The following FECH variants were observed in gnomAD, a reference collection of about 807,000 sequenced individuals.
The protein encoded by FECH is ferrochelatase, mitochondrial.
In FECH, 40 loss-of-function variants were observed where a neutral mutation model predicts 56.9. The observed-to-expected ratio is 0.70, with a 90% CI of 0.55 to 0.92. The LOEUF is 0.92. Ranked by LOEUF, FECH falls within the 40% of genes least tolerant of loss-of-function variation. The pLI is 0.00. For missense variants in FECH, 431 were observed against 529.1 expected (o/e 0.81, Z 1.82); for synonymous variants, 175 against 198.6 (o/e 0.88, Z 1.00).
intron 9 of FECH, among the ~76,000 whole-genome samples, chr18:57,553,934 G>A (rs183642639): frequency 6.6e-6 from 1 of 152,336 alleles, no homozygotes; most frequent in Admixed American, 6.5e-5. Flanking sequence ...GAATTAGTGA[G>A]AAGTACATTT....
intron 6 of FECH, 42 bp downstream of exon 6, chr18:57,562,832 C>T: frequency 6.6e-7 from 1 of 1,504,518 alleles, no homozygotes; most frequent in Non-Finnish European, 9.3e-7. Context: ...CTGATTCACA[C>T]TAGATGCTGG....
intron 1 of FECH, among the ~76,000 whole-genome samples, chr18:57,584,638 G>C (rs971922349): frequency 6.6e-6 from 1 of 151,596 alleles, no homozygotes. Flanking sequence ...TACTTCAAAA[G>C]TACTTATAAA....
At chr18:57,570,438 G>T (rs1031958204) in intron 4 of FECH, among the ~76,000 whole-genome samples, 2 of 152,196 alleles carry the variant, frequency 1.3e-5, no homozygotes, top group African/African-American at 4.8e-5. Flanking sequence ...TTTGTGCCAT[G>T]GGAACCAGTG....
intron 7 of FECH, 51 bp from the exon 8 acceptor site, chr18:57,555,003 G>A (rs768956254): frequency 1.1e-5 from 15 of 1,414,160 alleles, no homozygotes; most frequent in East Asian, 2.3e-5. Flanking sequence ...GGAAGGCCCC[G>A]AGAGCCTCTG....
chr18:57,546,654 C>A lies in FECH; in HGVS notation c.*4058G>T, dbSNP rs2122224155. Among the ~76,000 whole-genome samples, 1 of 152,292 alleles carries A rather than the reference C, an allele frequency of 6.6e-6. No individual in the cohort carries two copies. Among genetic ancestry groups the A allele is most frequent in the East Asian group, 1.9e-4 (1 of 5,174 alleles). On this transcript the variant is annotated 3_prime_UTR_variant, in exon 11 of 11. Coordinates refer to ENST00000262093, the MANE Select transcript of FECH (RefSeq NM_000140.5). ...AGACATGGAGTCAAAGGAGATTATT[C>A]CGGAACTTTAAGATTTATTGAGTAG...
At chr18:57,568,530 C>T (rs1200373215) in intron 4 of FECH, among the ~76,000 whole-genome samples, 1 of 152,200 alleles carries the variant, frequency 6.6e-6, no homozygotes, top group African/African-American at 2.4e-5. Context: ...GGGTGGGTTT[C>T]ACAATGCAGC....
Position 57,550,115 on chromosome 18 carries a change from G to A in FECH, c.*597C>T, listed in dbSNP as rs1392742235. ...CATACTTGATTCCTTTTTACATTGAGGAAAGTGAGATTCACACACAAATAC... is the reference window on the plus strand; with the variant it reads ...CATACTTGATTCCTTTTTACATTGAAGAAAGTGAGATTCACACACAAATAC... On this transcript the variant is annotated 3_prime_UTR_variant, in exon 11 of 11. Coordinates refer to ENST00000262093, the MANE Select transcript of FECH (RefSeq NM_000140.5). 6.5e-6 allele frequency: 1 copy of A among 153,372 alleles called. No homozygotes were observed. Among genetic ancestry groups the A allele is most frequent in the African/African-American group, 2.4e-5 (1 of 41,468 alleles). The allele number at this position is 153,372 out of a possible 1,614,324, so 9.5% of individuals were successfully genotyped here.
chr18:57,557,811 C>T (rs1346520871), intron 7 of FECH, among the ~76,000 whole-genome samples: 1 of 152,088 alleles, frequency 6.6e-6, no homozygotes, highest in Non-Finnish European at 1.5e-5. Flanking sequence ...AAAAGCAAAG[C>T]AAATGTGTTT....
intron 1 of FECH, among the ~76,000 whole-genome samples, chr18:57,584,143 G>A (rs1187325100): frequency 3.3e-5 from 5 of 149,600 alleles, no homozygotes; most frequent in African/African-American, 1.2e-4. Context: ...TCATGCCACT[G>A]CACTCCAGCC....
At chr18:57,566,663 CA>C (rs1296456428) in intron 4 of FECH, 82 bp from the exon 5 acceptor site, 3 of 1,527,984 alleles carry the variant, frequency 2.0e-6, no homozygotes, top group Non-Finnish European at 2.7e-6. Context: ...ATGCAATGCC[CA>C]GAACAAAGAA....
intron 1 of FECH, among the ~76,000 whole-genome samples, chr18:57,583,069 T>G (rs2051310055): frequency 6.6e-6 from 1 of 152,188 alleles, no homozygotes; most frequent in African/African-American, 2.4e-5. Flanking sequence ...TTCACCAGAT[T>G]CTCAGAGAGG....
chr18:57,578,796 C>A (rs149804887), intron 2 of FECH, among the ~76,000 whole-genome samples: 3,561 of 148,238 alleles, frequency 0.024, 116 homozygotes, highest in African/African-American at 0.084. Context: ...CCCATCTCTA[C>A]TAAAAATGCA....
intron 4 of FECH, among the ~76,000 whole-genome samples, chr18:57,569,078 A>T (rs2051057756): frequency 6.6e-6 from 1 of 152,244 alleles, no homozygotes; most frequent in Non-Finnish European, 1.5e-5. Flanking sequence ...TCCACGCTGC[A>T]TCCGGGAAAG....
intron 6 of FECH, among the ~76,000 whole-genome samples, chr18:57,560,376 C>T (rs1488123135): frequency 2.0e-5 from 3 of 152,218 alleles, no homozygotes; most frequent in Non-Finnish European, 2.9e-5. Flanking sequence ...ATAGGCCAGA[C>T]GCAGTGGCTC....
Position 57,573,224 on chromosome 18 carries a change from G to A in FECH, c.314+22C>T, listed in dbSNP as rs373216756. 7.5e-6 allele frequency: 12 copies of A among 1,609,306 alleles called. No homozygotes were observed. In the African/African-American group the frequency reaches 1.1e-4, roughly 14 times the overall value. ...TCAATGTAGTGCCAAGGTTATAATT[G>A]AGGTGTTTATATATATCTCACTTCT... On this transcript the variant is annotated intron_variant, in intron 3 of 10. Coordinates refer to ENST00000262093, the MANE Select transcript of FECH (RefSeq NM_000140.5).
intron 7 of FECH, among the ~76,000 whole-genome samples, chr18:57,556,877 C>T (rs1267753406): frequency 7.5e-6 from 1 of 133,916 alleles, no homozygotes; most frequent in Non-Finnish European, 1.5e-5. Flanking sequence ...CACCACAGCA[C>T]ACCAGCCTGA....
intron 2 of FECH, among the ~76,000 whole-genome samples, chr18:57,579,289 A>C (rs199877685): frequency 7.0e-6 from 1 of 141,918 alleles, no homozygotes. Flanking sequence ...GTGTGTATAT[A>C]TGTGTGTGTG....
chr18:57,577,133 G>A (rs1223315932), intron 2 of FECH, among the ~76,000 whole-genome samples: 2 of 152,058 alleles, frequency 1.3e-5, no homozygotes, highest in Non-Finnish European at 2.9e-5. Flanking sequence ...AAAGTAATAC[G>A]ATCCCAGCTC....
At chr18:57,559,783 A>G (rs1355878105) in intron 6 of FECH, among the ~76,000 whole-genome samples, 2 of 152,184 alleles carry the variant, frequency 1.3e-5, no homozygotes, top group East Asian at 3.8e-4. Flanking sequence ...AACCTTCACA[A>G]CAACAGATGA....
Sources: allele counts gnomAD v4.1 joint callset (sites outside exome capture counted in the v4.1 genomes callset), GRCh38; gene constraint gnomAD v4.1.1; transcripts MANE v1.5; gene names NCBI Gene and HGNC (gene_info 2026-07-23, HGNC 2026-07-21).